Variants in IKZF1 observed in about 807,000 individuals in gnomAD.
IKZF1 encodes the protein IKAROS family zinc finger 1, also known as DNA-binding protein Ikaros.
In IKZF1, 10 loss-of-function variants were observed where a neutral mutation model predicts 51.7. That is an observed-to-expected ratio of 0.19 (90% CI 0.12 to 0.33). The LOEUF (loss-of-function observed/expected upper bound fraction) is 0.33. IKZF1 is among the 10% of genes least tolerant of loss of function. The probability of loss-of-function intolerance (pLI) is 1.00; values close to 1 mark genes in which losing one functional copy is unlikely to be tolerated. For missense variants in IKZF1, 484 were observed against 707.5 expected (o/e 0.68, Z 3.58); for synonymous variants, 280 against 282.3 (o/e 0.99, Z 0.08).
chr7:50,327,008 T>C (rs1231426484), intron 2 of IKZF1, among the ~76,000 whole-genome samples: 1 of 152,170 alleles, frequency 6.6e-6, no homozygotes, highest in Non-Finnish European at 1.5e-5. Flanking sequence ...AAGCTCATTG[T>C]GGGGGTAAAT....
chr7:50,347,864 T>C (rs534551360), intron 3 of IKZF1, among the ~76,000 whole-genome samples: 7 of 152,282 alleles, frequency 4.6e-5, no homozygotes, highest in South Asian at 2.1e-4. Flanking sequence ...TTCGTGAGAA[T>C]AGGTATGCGG....
intron 5 of IKZF1, among the ~76,000 whole-genome samples, chr7:50,384,302 C>T (rs1812723109): frequency 6.6e-6 from 1 of 152,188 alleles, no homozygotes; most frequent in South Asian, 2.1e-4. Flanking sequence ...GGAGAGGAGT[C>T]ACAGGGGCTG....
At chr7:50,382,475 G>T in intron 4 of IKZF1, 65 bp from the exon 5 acceptor site, 1 of 1,512,864 alleles carries the variant, frequency 6.6e-7, no homozygotes, top group South Asian at 1.3e-5. Context: ...CAACTTTCTC[G>T]TAGCATCGTC....
At chr7:50,310,186 A>G (rs563824635) in intron 1 of IKZF1, among the ~76,000 whole-genome samples, 2 of 152,360 alleles carry the variant, frequency 1.3e-5, no homozygotes, top group East Asian at 1.9e-4. Flanking sequence ...CTTTTGCAGT[A>G]TGAGTGTTTT....
intron 5 of IKZF1, among the ~76,000 whole-genome samples, chr7:50,384,785 T>C (rs1409410842): frequency 6.6e-6 from 1 of 152,226 alleles, no homozygotes. Flanking sequence ...ATAGACACAG[T>C]TGGCAGCAAT....
rs1381444394 is a variant in IKZF1 at position 50,403,247 on chromosome 7, T to C, written c.*2620T>C. 4.5e-6 allele frequency: 1 copy of C among 221,198 alleles called. No individual in the cohort carries two copies. The highest frequency in any genetic ancestry group is 6.6e-5 in the East Asian group (1 of 15,134). 13.7% of individuals were successfully genotyped at this position (221,198 alleles called of 1,614,324 possible). On this transcript the variant is annotated 3_prime_UTR_variant, in exon 8 of 8. Transcript: ENST00000331340. ...TATGTCAGCAAGTAATTAACTTATG[T>C]TTAAAAGGTGGCCATATCATGTACC...
intron 2 of IKZF1, among the ~76,000 whole-genome samples, chr7:50,323,030 A>G (rs1793841232): frequency 1.3e-5 from 2 of 152,254 alleles, no homozygotes; most frequent in South Asian, 2.1e-4. Flanking sequence ...ACCTTTAGAT[A>G]TATATAATCT....
rs180958321 is a variant in IKZF1 at position 50,316,225 on chromosome 7, A to G, written c.-14-2823A>G. On this transcript the variant is annotated intron_variant, in intron 1 of 7. Transcript: ENST00000331340. Reference sequence around the variant, plus strand: ...GGGCTCAGTGCAGACCGAAAACTTGAGGCCTCTTGTTCAGAAATTATTAAA... The same window carrying G: ...GGGCTCAGTGCAGACCGAAAACTTGGGGCCTCTTGTTCAGAAATTATTAAA... Among the ~76,000 whole-genome samples, 8 of 152,316 alleles carry G rather than the reference A, an allele frequency of 5.3e-5. No individual in the cohort carries two copies. In the East Asian group the frequency reaches 1.4e-3, roughly 26 times the overall value.
intron 3 of IKZF1, among the ~76,000 whole-genome samples, chr7:50,372,989 T>A (rs1036087493): frequency 1.3e-5 from 2 of 152,284 alleles, no homozygotes; most frequent in African/African-American, 4.8e-5. Flanking sequence ...CTTTTGGTTC[T>A]GTTACAGCTC....
chr7:50,371,640 T>A (rs1034513967), intron 3 of IKZF1, among the ~76,000 whole-genome samples: 1 of 152,182 alleles, frequency 6.6e-6, no homozygotes, highest in African/African-American at 2.4e-5. Flanking sequence ...AAGAACCACT[T>A]CTTGCCCTCA....
intron 3 of IKZF1, among the ~76,000 whole-genome samples, chr7:50,365,870 A>G (rs920971735): frequency 7.9e-5 from 12 of 152,188 alleles, no homozygotes; most frequent in Admixed American, 2.6e-4. Context: ...CATGGAATCA[A>G]CCTACATGCC....
chr7:50,387,235 G>T, intron 5 of IKZF1, 110 bp from the exon 6 acceptor site: 1 of 1,388,590 alleles, frequency 7.2e-7, no homozygotes. Context: ...AGCTCTCAAG[G>T]GTAGAATTTT....
chr7:50,321,777 C>T (rs991539404), intron 2 of IKZF1, among the ~76,000 whole-genome samples: 2 of 152,066 alleles, frequency 1.3e-5, no homozygotes, highest in African/African-American at 4.8e-5. Context: ...GCCTGATTCT[C>T]CTCTGGTAGT....
intron 2 of IKZF1, among the ~76,000 whole-genome samples, chr7:50,319,335 A>G (rs1373575670): frequency 6.6e-6 from 1 of 152,208 alleles, no homozygotes; most frequent in Non-Finnish European, 1.5e-5. Context: ...TCAGGAAAAA[A>G]AAACGGGAAG....
At chr7:50,371,594 G>T (rs1808695564) in intron 3 of IKZF1, among the ~76,000 whole-genome samples, 1 of 152,250 alleles carries the variant, frequency 6.6e-6, no homozygotes, top group Admixed American at 6.5e-5. Context: ...TGCCCTGTGT[G>T]TGGACACCTT....
intron 1 of IKZF1, among the ~76,000 whole-genome samples, chr7:50,309,430 C>T (rs1353363324): frequency 6.6e-6 from 1 of 152,126 alleles, no homozygotes; most frequent in Non-Finnish European, 1.5e-5. Context: ...CCCTTCCCTC[C>T]ATTTGCCTTG....
At chr7:50,356,532 G>A (rs1420179327) in intron 3 of IKZF1, among the ~76,000 whole-genome samples, 1 of 152,198 alleles carries the variant, frequency 6.6e-6, no homozygotes, top group African/African-American at 2.4e-5. Context: ...ATGTGTGTCT[G>A]TGGGGTGTGT....
rs2153487985 is a variant in IKZF1, at chr7:50,387,341, G to A, written c.590-4G>A. On this transcript the variant is annotated splice_polypyrimidine_tract_variant and splice_region_variant and intron_variant, in intron 5 of 7. Transcript: ENST00000331340. ...GGTCTTGAACTCAATTGTGTTTTCT[G>A]CAGTTGGTAAACCTCACAAATGTGG... 1 of 1,612,686 alleles carries A rather than the reference G, an allele frequency of 6.2e-7. No homozygotes were observed. The highest frequency in any genetic ancestry group is 8.5e-7 in the Non-Finnish European group (1 of 1,179,260).
chr7:50,339,119 G>T (rs2153412340), intron 3 of IKZF1, among the ~76,000 whole-genome samples: 1 of 152,154 alleles, frequency 6.6e-6, no homozygotes, highest in Admixed American at 6.5e-5. Context: ...TTGAGAGCTG[G>T]TTTATCTGTG....
Sources: gnomAD v4.1 joint callset for allele counts (sites outside exome capture counted in the v4.1 genomes callset) on GRCh38, gnomAD v4.1.1 for gene constraint, MANE v1.5 for transcripts, NCBI Gene and HGNC (gene_info 2026-07-23, HGNC 2026-07-21) for gene names.